The following C6orf89 variants were observed in gnomAD, a reference collection of about 807,000 sequenced individuals.
C6orf89 encodes the protein bombesin receptor-activated protein C6orf89.
C6orf89 carries 29 observed loss-of-function variants against 40.7 expected under a neutral mutation model. The observed-to-expected ratio is 0.71, with a 90% CI of 0.53 to 0.97. The LOEUF (loss-of-function observed/expected upper bound fraction) is 0.97. Among genes scored for constraint, C6orf89 ranks in the 50% least tolerant of loss-of-function variants. The pLI, the probability that C6orf89 is intolerant of heterozygous loss-of-function variation, is 0.00. For synonymous variants in C6orf89, 165 were observed against 152.2 expected (o/e 1.08, Z -0.62); for missense variants, 392 against 429.1 (o/e 0.91, Z 0.76).
intron 3 of C6orf89, among the ~76,000 whole-genome samples, chr6:36,900,450 C>T (rs1211444895): frequency 6.6e-6 from 1 of 151,884 alleles, no homozygotes; most frequent in South Asian, 2.1e-4. Flanking sequence ...GATCTGCCCT[C>T]CTCGGCTTCC....
At chr6:36,908,927 G>T (rs1762022412) in intron 4 of C6orf89, among the ~76,000 whole-genome samples, 1 of 152,138 alleles carries the variant, frequency 6.6e-6, no homozygotes, top group South Asian at 2.1e-4. Context: ...CTTTCTATGT[G>T]TGTCTTTGTG....
At position 36,923,536 on chromosome 6, in the gene C6orf89, G is replaced by A. The variant is rs1321955982; in HGVS notation, c.*95G>A. 3 of 984,624 alleles carry A rather than the reference G, an allele frequency of 3.0e-6. No individual in the cohort carries two copies. Among genetic ancestry groups the A allele is most frequent in the Non-Finnish European group, 4.8e-6 (3 of 629,210 alleles). The allele number at this position is 984,624 out of a possible 1,614,324, so 61.0% of individuals were successfully genotyped here. A position where few individuals can be genotyped will look rare whatever the true frequency, so the allele number is the denominator to read the frequency against. On this transcript the variant is annotated 3_prime_UTR_variant, in exon 9 of 9. Coordinates refer to ENST00000480824, the MANE Select transcript of C6orf89 (RefSeq NM_001286635.2). ...AAAACGATGAAACTGCTTTCTGGGG[G>A]TTGGTTACTTAGTTACCTGCCCTTT...
At chr6:36,897,152 GAAAA>G (rs749986162) in intron 2 of C6orf89, among the ~76,000 whole-genome samples, 191 of 120,466 alleles carry the variant, frequency 1.6e-3, no homozygotes, top group Non-Finnish European at 2.7e-3. Context: ...AAAAAAAAAA[GAAAA>G]GAAAGAAAGG....
intron 4 of C6orf89, among the ~76,000 whole-genome samples, chr6:36,904,379 G>T (rs1366478206): frequency 6.6e-6 from 1 of 152,186 alleles, no homozygotes; most frequent in Non-Finnish European, 1.5e-5. Context: ...TAGAGAGAGC[G>T]AGTGAGCATT....
intron 4 of C6orf89, among the ~76,000 whole-genome samples, chr6:36,909,830 A>G (rs1270249030): frequency 6.6e-6 from 1 of 151,970 alleles, no homozygotes; most frequent in Admixed American, 6.6e-5. Flanking sequence ...AGAGGCTTAT[A>G]TATTAGAAAT....
intron 1 of C6orf89, among the ~76,000 whole-genome samples, chr6:36,886,979 C>T (rs1775015526): frequency 6.6e-6 from 1 of 152,210 alleles, no homozygotes; most frequent in South Asian, 2.1e-4. Flanking sequence ...CTGCCTTGGA[C>T]TGAGGCATTT....
chr6:36,902,498 A>G, intron 4 of C6orf89, 64 bp downstream of exon 4: 1 of 1,471,692 alleles, frequency 6.8e-7, no homozygotes, highest in Non-Finnish European at 9.4e-7. Context: ...TAGGAAAGGA[A>G]GTAACATTTA....
At chr6:36,909,708 G>C (rs997168640) in intron 4 of C6orf89, among the ~76,000 whole-genome samples, 15 of 151,706 alleles carry the variant, frequency 9.9e-5, no homozygotes, top group African/African-American at 3.2e-4. Flanking sequence ...CCTGAGCCCG[G>C]GGAGGTCAAG....
intron 4 of C6orf89, among the ~76,000 whole-genome samples, chr6:36,903,505 G>A (rs1761804920): frequency 6.6e-6 from 1 of 151,900 alleles, no homozygotes; most frequent in Admixed American, 6.6e-5. Flanking sequence ...TGTCGCCCAG[G>A]CTGGAGTGCA....
rs755549469 is a variant in C6orf89, at chr6:36,874,763, T to A, written c.-628+2796T>A. ...GGTGGCTGCCAGGAATCTGGGGGAATTGCCGCCATAGCGAAGCCGGCGGCG... is the reference window on the plus strand; with the variant it reads ...GGTGGCTGCCAGGAATCTGGGGGAAATGCCGCCATAGCGAAGCCGGCGGCG... On this transcript the variant is annotated intron_variant, in intron 1 of 9. Transcript: ENST00000359359. 3 of 1,614,102 alleles carry A rather than the reference T, an allele frequency of 1.9e-6. No individual in the cohort carries two copies. In the South Asian group the frequency reaches 3.3e-5, roughly 18 times the overall value.
intron 1 of C6orf89, among the ~76,000 whole-genome samples, chr6:36,889,516 G>A (rs1233437612): frequency 6.6e-6 from 1 of 150,550 alleles, no homozygotes; most frequent in Non-Finnish European, 1.5e-5. Context: ...AGCAAGTAGA[G>A]GTAAGCTTAA....
In C6orf89 at chr6:36,894,294, T is replaced by C. The variant is rs542799490; in HGVS notation, c.-119-210T>C. 1.2e-4 allele frequency among the ~76,000 whole-genome samples: 19 copies of C among 152,344 alleles called. 1 individual carries two copies. Among genetic ancestry groups the C allele is most frequent in the African/African-American group, 4.3e-4 (18 of 41,580 alleles). ...TTCTAGCAGTCCTTTCTGGATCCTT[T>C]CCATTCTGGTCCTCTACTGAGTTTT... On this transcript the variant is annotated intron_variant, in intron 1 of 8. Transcript: ENST00000480824.
chr6:36,894,141 G>A (rs923849152), intron 1 of C6orf89, among the ~76,000 whole-genome samples: 1 of 151,300 alleles, frequency 6.6e-6, no homozygotes, highest in Non-Finnish European at 1.5e-5. Context: ...CTGTACTTTT[G>A]TCCCCTTCAG....
chr6:36,874,676 C>T (rs1258132198), intron 1 of C6orf89: 3 of 1,607,620 alleles, frequency 1.9e-6, no homozygotes, highest in East Asian at 2.2e-5. Flanking sequence ...GCCCGGGCTC[C>T]GCGTCTCCTC....
chr6:36,901,594 A>C (rs970026437), intron 3 of C6orf89, among the ~76,000 whole-genome samples: 1 of 148,068 alleles, frequency 6.8e-6, no homozygotes, highest in Non-Finnish European at 1.5e-5. Flanking sequence ...TCGGCCTCCC[A>C]AAGTGCTGGG....
chr6:36,906,196 A>T (rs972619478), intron 4 of C6orf89, among the ~76,000 whole-genome samples: 1 of 152,230 alleles, frequency 6.6e-6, no homozygotes, highest in Non-Finnish European at 1.5e-5. Context: ...CAAATCATTT[A>T]TTGGCCTCAA....
intron 1 of C6orf89, among the ~76,000 whole-genome samples, chr6:36,889,107 G>A (rs964099994): frequency 2.6e-5 from 4 of 152,156 alleles, no homozygotes; most frequent in Non-Finnish European, 5.9e-5. Context: ...GAGGGAATAA[G>A]AAGGTCAAGG....
At chr6:36,900,197 T>G (rs1761616452) in intron 3 of C6orf89, among the ~76,000 whole-genome samples, 1 of 136,582 alleles carries the variant, frequency 7.3e-6, no homozygotes, top group Admixed American at 7.1e-5. Context: ...TTGTGTTTTG[T>G]TTTTTTTTGT....
intron 4 of C6orf89, among the ~76,000 whole-genome samples, chr6:36,912,834 A>G (rs1201729577): frequency 1.3e-5 from 2 of 152,244 alleles, no homozygotes; most frequent in African/African-American, 4.8e-5. Flanking sequence ...ATGCCCCACT[A>G]CTACTGCCTC....
Sources: gnomAD v4.1 joint callset for allele counts (sites outside exome capture counted in the v4.1 genomes callset) on GRCh38, gnomAD v4.1.1 for gene constraint, MANE v1.5 for transcripts, NCBI Gene and HGNC (gene_info 2026-07-23, HGNC 2026-07-21) for gene names.